Variants in BCAS1 observed in about 807,000 individuals in gnomAD.
BCAS1 encodes breast carcinoma-amplified sequence 1.
A neutral mutation model predicts 65.4 loss-of-function variants in BCAS1; 46 were observed. The ratio of observed to expected loss-of-function variants is 0.70; its 90% CI spans 0.55 to 0.90. The LOEUF is 0.90. BCAS1 is among the 40% of genes least tolerant of loss of function. The pLI, the probability that BCAS1 is intolerant of heterozygous loss-of-function variation, is 0.00. For missense variants in BCAS1, 793 were observed against 771.2 expected (o/e 1.03, Z -0.33); for synonymous variants, 298 against 293.5 (o/e 1.02, Z -0.16).
intron 7 of BCAS1, among the ~76,000 whole-genome samples, chr20:53,988,084 G>A (rs767370028): frequency 6.6e-6 from 1 of 152,184 alleles, no homozygotes; most frequent in African/African-American, 2.4e-5. Context: ...ATCTGCCGAA[G>A]TCATTAGAAG....
intron 12 of BCAS1, among the ~76,000 whole-genome samples, chr20:53,947,640 G>A (rs1399706324): frequency 3.3e-5 from 5 of 152,134 alleles, no homozygotes; most frequent in Non-Finnish European, 7.3e-5. Context: ...GAAGCCCAGC[G>A]AGCCCAAGCC....
intron 1 of BCAS1, among the ~76,000 whole-genome samples, chr20:54,070,008 C>A (rs181188861): frequency 7.9e-5 from 12 of 152,288 alleles, no homozygotes; most frequent in African/African-American, 2.9e-4. Flanking sequence ...TCTTGTCCTC[C>A]CACTTCTTTA....
chr20:54,044,876 C>A (rs1161620850), intron 3 of BCAS1, among the ~76,000 whole-genome samples: 1 of 151,074 alleles, frequency 6.6e-6, no homozygotes, highest in African/African-American at 2.4e-5. Flanking sequence ...TAAGTGTATT[C>A]CAAATAACTT....
intron 11 of BCAS1, among the ~76,000 whole-genome samples, chr20:53,956,728 T>C (rs1318074557): frequency 1.3e-5 from 2 of 152,140 alleles, no homozygotes; most frequent in East Asian, 3.8e-4. Flanking sequence ...CTCATTCTTG[T>C]AGCCACTTCT....
At chr20:54,041,133 C>T (rs1435217191) in intron 3 of BCAS1, among the ~76,000 whole-genome samples, 1 of 151,158 alleles carries the variant, frequency 6.6e-6, no homozygotes, top group Non-Finnish European at 1.5e-5. Context: ...TAGGCAAATC[C>T]ATAGAGGCAG....
intron 1 of BCAS1, 125 bp downstream of exon 1, chr20:54,070,308 C>T (rs1389963232): frequency 6.6e-6 from 1 of 152,298 alleles, no homozygotes; most frequent in African/African-American, 2.4e-5. Context: ...TCCAAGGCCA[C>T]ACAGTGAACA....
intron 4 of BCAS1, among the ~76,000 whole-genome samples, chr20:54,004,482 A>G (rs1236606452): frequency 3.3e-5 from 5 of 152,226 alleles, no homozygotes; most frequent in Non-Finnish European, 7.3e-5. Context: ...GAAGTTCAAT[A>G]TAAAGTAAAC....
At chr20:53,951,909 C>T (rs1049164394) in intron 12 of BCAS1, among the ~76,000 whole-genome samples, 4 of 151,976 alleles carry the variant, frequency 2.6e-5, no homozygotes, top group Admixed American at 2.6e-4. Flanking sequence ...GAGAGAGAAG[C>T]TATGAGTGTG....
chr20:54,003,226 C>CAAAAAAAA (rs36065746), intron 4 of BCAS1, among the ~76,000 whole-genome samples: 200 of 98,438 alleles, frequency 2.0e-3, no homozygotes, highest in African/African-American at 3.6e-3. Flanking sequence ...GCCAAACAGA[C>CAAAAAAAA]AAAAAAAAAA....
intron 1 of BCAS1, 104 bp from the exon 2 acceptor site, chr20:54,058,827 T>C: frequency 2.3e-6 from 3 of 1,288,260 alleles, no homozygotes; most frequent in South Asian, 1.3e-5. Context: ...ATGGCTGTAT[T>C]ATCATCAGCT....
chr20:54,015,901 C>T (rs2091427476), intron 4 of BCAS1, among the ~76,000 whole-genome samples: 1 of 152,124 alleles, frequency 6.6e-6, no homozygotes, highest in Non-Finnish European at 1.5e-5. Context: ...CACTACAGTG[C>T]TCCTTTTATA....
At chr20:54,058,804 T>C (rs1028003678) in intron 1 of BCAS1, 81 bp from the exon 2 acceptor site, 1 of 1,523,390 alleles carries the variant, frequency 6.6e-7, no homozygotes, top group Admixed American at 1.8e-5. Flanking sequence ...TGCAGAGGCC[T>C]GACAAGCCGC....
In BCAS1 at chr20:54,028,573, CCTG is replaced by C. The variant is rs752667807; in HGVS notation, c.539_541del (p.Ala180del). 6.2e-7 allele frequency: 1 copy of C among 1,614,054 alleles called. No homozygotes were observed. Among genetic ancestry groups the C allele is most frequent in the Non-Finnish European group, 8.5e-7 (1 of 1,180,040 alleles). ...CTTGGGCTTGGAGGGAGCTTCTCCT[CCTG>C]CTCCCCCTGTCTCAGGTGGGAGAAG... On this transcript the variant is annotated inframe_deletion, in exon 4 of 13. Coordinates refer to ENST00000688948, the MANE Select transcript of BCAS1 (RefSeq NM_001366298.2).
At chr20:53,985,164 G>T in intron 8 of BCAS1, 123 bp downstream of exon 8, 1 of 935,520 alleles carries the variant, frequency 1.1e-6, no homozygotes, top group Non-Finnish European at 1.6e-6. Context: ...GGGAAGCCGA[G>T]TCATTTTGAA....
chr20:53,950,315 C>T (rs1201094914), intron 12 of BCAS1, among the ~76,000 whole-genome samples: 3 of 152,188 alleles, frequency 2.0e-5, no homozygotes, highest in African/African-American at 7.2e-5. Context: ...AGGGCTGTCC[C>T]CTCCTCCTGG....
At chr20:53,976,262 C>G (rs1230647931) in intron 8 of BCAS1, among the ~76,000 whole-genome samples, 11 of 152,162 alleles carry the variant, frequency 7.2e-5, no homozygotes, top group Admixed American at 4.6e-4. Flanking sequence ...ATGTTACAGA[C>G]CACTTTGAGA....
At position 53,943,784 on chromosome 20, in the gene BCAS1, TTGAGA is replaced by T. The variant is rs2089216381; in HGVS notation, c.*1133_*1137del. The T allele has an allele frequency of 6.6e-6, 1 of 152,016 alleles. No individual in the cohort carries two copies. The highest frequency in any genetic ancestry group is 2.4e-5 in the African/African-American group (1 of 41,386). The allele number at this position is 152,016 out of a possible 1,614,324, so 9.4% of individuals were successfully genotyped here. ...AGAACATTAGGAATGACAGACACAC[TTGAGA>T]TAAGTGTCAGACGGAACAGATGAAG... On this transcript the variant is annotated 3_prime_UTR_variant, in exon 13 of 13. Coordinates refer to ENST00000688948, the MANE Select transcript of BCAS1 (RefSeq NM_001366298.2).
chr20:53,966,911 G>C lies in BCAS1; in HGVS notation c.1480C>G (p.Gln494Glu), dbSNP rs531781560. The C allele has an allele frequency of 1.2e-6, 2 of 1,606,950 alleles. No homozygotes were observed. Among genetic ancestry groups the C allele is most frequent in the South Asian group, 2.2e-5 (2 of 89,356 alleles). Residue 494 changes from glutamine to glutamate, a missense_variant, in exon 10 of 13, where the codon CAA becomes GAA. By Grantham distance (29) the Gln-to-Glu change is conservative. Transcript: ENST00000688948. Reference sequence around the variant, plus strand: ...ACTGGAAGTAAGGGGCTTACCATTTGTCTGAGAAACGCCATCAGAGAGGTT... The same window carrying C: ...ACTGGAAGTAAGGGGCTTACCATTTCTCTGAGAAACGCCATCAGAGAGGTT... Reference protein sequence around the residue: ...PRTSLMAFLRQMSVKGDGGIT... With the variant: ...PRTSLMAFLREMSVKGDGGIT...
At chr20:54,008,925 T>A (rs1288278968) in intron 4 of BCAS1, among the ~76,000 whole-genome samples, 3 of 152,110 alleles carry the variant, frequency 2.0e-5, no homozygotes, top group Non-Finnish European at 4.4e-5. Flanking sequence ...GCAATTCTCC[T>A]GCCTCAGCCT....
Sources: allele counts gnomAD v4.1 joint callset (sites outside exome capture counted in the v4.1 genomes callset), GRCh38; gene constraint gnomAD v4.1.1; transcripts MANE v1.5; gene names NCBI Gene and HGNC (gene_info 2026-07-23, HGNC 2026-07-21).